Variants in ATCAY observed in about 807,000 individuals in gnomAD.
The protein encoded by ATCAY is caytaxin.
ATCAY carries 22 observed loss-of-function variants against 47.7 expected under a neutral mutation model. The ratio of observed to expected loss-of-function variants is 0.46; its 90% CI spans 0.33 to 0.66. The LOEUF (loss-of-function observed/expected upper bound fraction) is 0.66. Among genes scored for constraint, ATCAY ranks in the 30% least tolerant of loss-of-function variants. ATCAY has a pLI of 0.02. For synonymous variants in ATCAY, 216 were observed against 207.6 expected, an observed-to-expected ratio of 1.04 and a Z score of -0.35; for missense variants, 452 against 515.0, an observed-to-expected ratio of 0.88 and a Z score of 1.18.
intron 2 of ATCAY, among the ~76,000 whole-genome samples, chr19:3,891,052 CT>C (rs376828032): frequency 0.066 from 9,451 of 142,246 alleles, 407 homozygotes; most frequent in South Asian, 0.19. Flanking sequence ...CCTTCTAGCA[CT>C]TTTTTTTTTT....
intron 3 of ATCAY, among the ~76,000 whole-genome samples, chr19:3,904,183 G>C (rs2038840546): frequency 6.6e-6 from 1 of 151,982 alleles, no homozygotes; most frequent in African/African-American, 2.4e-5. Context: ...GATTAGTCGG[G>C]CTTGGTGGCG....
At chr19:3,908,002 T>A in intron 5 of ATCAY, 83 bp downstream of exon 5, 1 of 1,480,592 alleles carries the variant, frequency 6.8e-7, no homozygotes. Context: ...CCCTCTCTGA[T>A]GCACGGGGAT....
chr19:3,923,487 G>A (rs1048648242), intron 12 of ATCAY, among the ~76,000 whole-genome samples: 6 of 151,116 alleles, frequency 4.0e-5, no homozygotes, highest in Non-Finnish European at 8.8e-5. Flanking sequence ...TGGATGATGG[G>A]TGGATAGATA....
intron 3 of ATCAY, among the ~76,000 whole-genome samples, chr19:3,903,801 G>C (rs868242965): frequency 7.9e-5 from 12 of 151,262 alleles, no homozygotes; most frequent in African/African-American, 2.7e-4. Flanking sequence ...TTGGGATTAC[G>C]GGCGTGAGCC....
chr19:3,908,025 AC>A, intron 5 of ATCAY, 106 bp downstream of exon 5: 1 of 1,426,494 alleles, frequency 7.0e-7, no homozygotes, highest in Middle Eastern at 1.8e-4. Flanking sequence ...TAAGCCGTCA[AC>A]TCGCTTCGGG....
Position 3,905,490 on chromosome 19 carries a change from G to A in ATCAY, c.193G>A (p.Ala65Thr). 6.2e-7 allele frequency: 1 copy of A among 1,613,862 alleles called. No homozygotes were observed. Among genetic ancestry groups the A allele is most frequent in the Non-Finnish European group, 8.5e-7 (1 of 1,179,844 alleles). Residue 65 changes from alanine (A) to threonine (T), a missense_variant, in exon 4 of 13, where the codon GCC (alanine) becomes ACC (threonine). Physicochemically the swap from Ala to Thr is moderately conservative, Grantham distance 58 (BLOSUM62 0). Transcript: ENST00000450849. The stretch of plus-strand genomic sequence containing the variant: ...GCATCGTAAGAGGAAGACGCTGGTG[G>A]CCCCAGAGATCAACATTTCTCTGGA... ...GAHRKRKTLV[A>T]PEINISLDQS...
intron 8 of ATCAY, among the ~76,000 whole-genome samples, chr19:3,912,330 T>G (rs77340583): frequency 6.6e-6 from 1 of 151,798 alleles, no homozygotes; most frequent in Admixed American, 6.6e-5. Context: ...TTTTTTTTTT[T>G]TCAGACGGAG....
chr19:3,923,482 G>T (rs990109636), intron 12 of ATCAY, among the ~76,000 whole-genome samples: 1 of 151,316 alleles, frequency 6.6e-6, no homozygotes, highest in Non-Finnish European at 1.5e-5. Flanking sequence ...ATGTTTGGAT[G>T]ATGGGTGGAT....
chr19:3,898,971 C>T (rs1181888984), intron 2 of ATCAY, among the ~76,000 whole-genome samples: 19 of 152,150 alleles, frequency 1.2e-4, no homozygotes, highest in African/African-American at 3.9e-4. Context: ...TGAGCCACCG[C>T]GCCTGGCCGT....
intron 2 of ATCAY, among the ~76,000 whole-genome samples, chr19:3,887,454 TC>T (rs1156698854): frequency 6.6e-6 from 1 of 151,640 alleles, no homozygotes; most frequent in African/African-American, 2.4e-5. Context: ...CGAGACTCTG[TC>T]TCTATTTTAT....
At chr19:3,889,939 C>T (rs1030707237) in intron 2 of ATCAY, among the ~76,000 whole-genome samples, 9 of 151,306 alleles carry the variant, frequency 5.9e-5, no homozygotes, top group African/African-American at 2.2e-4. Context: ...TATTTCTTTA[C>T]TTTTCTTTTC....
chr19:3,887,810 GAA>G (rs762559322), intron 2 of ATCAY, among the ~76,000 whole-genome samples: 36 of 119,486 alleles, frequency 3.0e-4, no homozygotes, highest in African/African-American at 7.5e-4. Context: ...AAAAAGAGAG[GAA>G]AAAAAAAAAA....
chr19:3,901,125 A>G (rs182470484), intron 2 of ATCAY, among the ~76,000 whole-genome samples: 1,801 of 145,538 alleles, frequency 0.012, 40 homozygotes, highest in African/African-American at 0.044. Context: ...GATGGTCTCG[A>G]TCTCCTGACC....
At chr19:3,901,266 T>C (rs1485377462) in intron 2 of ATCAY, among the ~76,000 whole-genome samples, 2 of 152,194 alleles carry the variant, frequency 1.3e-5, no homozygotes, top group Non-Finnish European at 2.9e-5. Context: ...GCACAAGAAA[T>C]GTGTCTCTTC....
At chr19:3,913,678 G>A (rs994387089) in intron 8 of ATCAY, 80 bp from the exon 9 acceptor site, 6 of 1,079,418 alleles carry the variant, frequency 5.6e-6, no homozygotes, top group South Asian at 2.7e-5. Flanking sequence ...GATCCCTGTC[G>A]CCATGGCTCT....
intron 9 of ATCAY, among the ~76,000 whole-genome samples, chr19:3,915,920 C>T (rs1294692959): frequency 6.6e-6 from 1 of 151,894 alleles, no homozygotes; most frequent in African/African-American, 2.4e-5. Flanking sequence ...GAACTCCTGA[C>T]CTCAGTTGAT....
chr19:3,895,388 T>C (rs556456695), intron 2 of ATCAY, among the ~76,000 whole-genome samples: 42 of 152,148 alleles, frequency 2.8e-4, no homozygotes, highest in Non-Finnish European at 2.2e-4. Context: ...CTAATTTTTG[T>C]ATTTTTAGTA....
intron 7 of ATCAY, 55 bp downstream of exon 7, chr19:3,909,672 G>T (rs1299717140): frequency 1.9e-6 from 3 of 1,544,374 alleles, no homozygotes; most frequent in African/African-American, 2.7e-5. Context: ...CACACAGGGG[G>T]CTGGACATGG....
intron 2 of ATCAY, among the ~76,000 whole-genome samples, chr19:3,900,112 A>G (rs1309719692): frequency 1.3e-5 from 2 of 152,098 alleles, no homozygotes; most frequent in African/African-American, 4.8e-5. Flanking sequence ...AATATTGATC[A>G]ATATTGGTTA....
Sources: gnomAD v4.1 joint callset for allele counts (sites outside exome capture counted in the v4.1 genomes callset) on GRCh38, gnomAD v4.1.1 for gene constraint, MANE v1.5 for transcripts, NCBI Gene and HGNC (gene_info 2026-07-23, HGNC 2026-07-21) for gene names.